The following MYBPC3 variants were observed in gnomAD, a reference collection of about 807,000 sequenced individuals.
MYBPC3 encodes myosin binding protein C3, also known as myosin-binding protein C, cardiac-type.
In MYBPC3, 108 loss-of-function variants were observed where a neutral mutation model predicts 159.3. The ratio of observed to expected loss-of-function variants is 0.68; its 90% CI spans 0.58 to 0.80. The LOEUF is 0.80. Ranked by LOEUF, MYBPC3 falls within the 30% of genes least tolerant of loss-of-function variation. The pLI, the probability that MYBPC3 is intolerant of heterozygous loss-of-function variation, is 0.00. For synonymous variants in MYBPC3, 730 were observed against 702.0 expected, an observed-to-expected ratio of 1.04 and a Z score of -0.63; for missense variants, 1,631 against 1,762.1, an observed-to-expected ratio of 0.93 and a Z score of 1.33.
intron 5 of MYBPC3, among the ~76,000 whole-genome samples, chr11:47,348,926 A>ATATATATATATATATATT (rs1189066410): frequency 7.6e-6 from 1 of 131,312 alleles, no homozygotes; most frequent in Admixed American, 7.8e-5. Context: ...ATATATATAT[A>ATATATATATATATATATT]TTTAAAGGAG....
chr11:47,335,881 C>G lies in MYBPC3; in HGVS notation c.2733G>C (p.Glu911Asp), dbSNP rs1385242275. Residue 911 changes from glutamate to aspartate, a missense_variant, in exon 26 of 35, where the codon GAG becomes GAC. By Grantham distance (45) the Glu-to-Asp change is conservative (BLOSUM62 2). Transcript: ENST00000545968. Reference protein sequence around the residue: ...LDGYSVEYCPEGCSEWVAALQ... With the variant: ...LDGYSVEYCPDGCSEWVAALQ... ...GTTGGGGGCGGGGACACTCACAGCC[C>G]TCTGGGCAGTACTCCACGCTGTAGC... 6.6e-7 allele frequency: 1 copy of G among 1,515,086 alleles called. No homozygotes were observed. Among genetic ancestry groups the G allele is most frequent in the African/African-American group, 1.4e-5 (1 of 71,240 alleles). The allele number at this position is 1,515,086 out of a possible 1,614,324, so 93.9% of individuals were successfully genotyped here.
chr11:47,346,365 G>A lies in MYBPC3; in HGVS notation c.932C>T (p.Ser311Leu), dbSNP rs193922386. 35 of 1,584,392 alleles carry A rather than the reference G, an allele frequency of 2.2e-5. No homozygotes were observed. Among genetic ancestry groups the A allele is most frequent in the Non-Finnish European group, 2.8e-5 (33 of 1,163,858 alleles). ...KRDSFRTPRD[S>L]KLEAPAEEDV... ...CTCCTCTGCTGGTGCCTCCAGCTTCGAGTCCCTGTGTCCCGCAGTCTAGGC... is the reference window on the plus strand; with the variant it reads ...CTCCTCTGCTGGTGCCTCCAGCTTCAAGTCCCTGTGTCCCGCAGTCTAGGC... Residue 311 changes from serine to leucine, a missense_variant, in exon 12 of 35, where the codon TCG becomes TTG. By Grantham distance (145) the Ser-to-Leu change is moderately radical. Coordinates refer to ENST00000545968, the MANE Select transcript of MYBPC3 (RefSeq NM_000256.3). The surrounding 1 kb of genome is among the most constrained non-coding windows in gnomAD (Gnocchi z 5.3).
chr11:47,332,230 A>G lies in MYBPC3; in HGVS notation c.3656T>C (p.Leu1219Pro), dbSNP rs1478894287. The G allele has an allele frequency of 2.5e-6, 4 of 1,613,872 alleles. No individual in the cohort carries two copies. The highest frequency in any genetic ancestry group is 2.5e-6 in the Non-Finnish European group (3 of 1,179,900). ...GAAGCGGGCGTCTTCTCCCAGGTCC[A>G]GGCCATTCTTGAACCAGGAAATCTT... ...KPKISWFKNG[L>P]DLGEDARFRM... The change falls in exon 33 of 35, where the codon CTG becomes CCG. Residue 1219 changes from leucine (L) to proline (P), a missense_variant. Leu to Pro is a moderately conservative substitution (Grantham distance 98). Coordinates refer to ENST00000545968, the MANE Select transcript of MYBPC3 (RefSeq NM_000256.3). This position sits in a 1 kb window ranked among gnomAD's most constrained non-coding sequence, Gnocchi z 4.2.
intron 18 of MYBPC3, among the ~76,000 whole-genome samples, chr11:47,341,673 C>G (rs1189571094): frequency 1.3e-5 from 2 of 152,144 alleles, no homozygotes; most frequent in African/African-American, 4.8e-5. Flanking sequence ...CGCTCGACCC[C>G]GTCCGTGTCT....
chr11:47,333,657 C>A lies in MYBPC3; in HGVS notation c.3090G>T (p.Leu1030=), dbSNP rs770351760. The A allele has an allele frequency of 1.9e-6, 3 of 1,610,700 alleles. No homozygotes were observed. The highest frequency in any genetic ancestry group is 2.5e-6 in the Non-Finnish European group (3 of 1,179,856). ...GCACGCGGCGAGCGGCCCGGATGAA[C>A]AGGATGGTGTCTGTGGGGCTGTTGC... is the stretch of plus-strand genomic sequence containing the variant. The part of the protein sequence containing the change: ...SIRNSPTDTI[L]FIRAARRVHS... Residue 1030 remains leucine, a synonymous_variant, in exon 29 of 35, where the codon CTG becomes CTT. Transcript: ENST00000545968.
At position 47,338,700 on chromosome 11, in the gene MYBPC3, G is replaced by A; in HGVS notation, c.2149-21C>T. ...AGCAGCTGGGGGGGTGCAGAGTTGG[G>A]GTGAGATCCAAGTCAGACCCCAGAG... On this transcript the variant is annotated intron_variant, in intron 22 of 34. Coordinates refer to ENST00000545968, the MANE Select transcript of MYBPC3 (RefSeq NM_000256.3). The surrounding 1 kb of genome is among the most constrained non-coding windows in gnomAD (Gnocchi z 4.7). The A allele has an allele frequency of 6.3e-7, 1 of 1,596,854 alleles. No individual in the cohort carries two copies.
At chr11:47,345,143 CG>C (rs1565628991) in intron 12 of MYBPC3, among the ~76,000 whole-genome samples, 1 of 152,216 alleles carries the variant, frequency 6.6e-6, no homozygotes, top group African/African-American at 2.4e-5. Context: ...CCCCTACCCT[CG>C]GAGGTCCCCA....
At chr11:47,339,266 C>T (rs542313895) in intron 22 of MYBPC3, 58 bp downstream of exon 22, 33 of 1,579,082 alleles carry the variant, frequency 2.1e-5, no homozygotes, top group African/African-American at 4.0e-5. Context: ...CTCGGCACCA[C>T]GTAGGTAGAA....
intron 1 of MYBPC3, among the ~76,000 whole-genome samples, 160 bp downstream of exon 1, chr11:47,352,463 G>A (rs748273702): frequency 6.6e-6 from 1 of 151,982 alleles, no homozygotes. Flanking sequence ...AAAAGAAACC[G>A]AGAATCAAAA....
chr11:47,345,422 C>T (rs935993155), intron 12 of MYBPC3, among the ~76,000 whole-genome samples: 16 of 152,166 alleles, frequency 1.1e-4, no homozygotes, highest in Admixed American at 2.0e-4. Flanking sequence ...TAACCAGCTC[C>T]TCTCCCCGTC....
In MYBPC3 at chr11:47,351,524, G is replaced by A. The variant is rs768992849; in HGVS notation, c.26-19C>T. On this transcript the variant is annotated intron_variant, in intron 1 of 34. Coordinates refer to ENST00000545968, the MANE Select transcript of MYBPC3 (RefSeq NM_000256.3). This position sits in a 1 kb window ranked among gnomAD's most constrained non-coding sequence, Gnocchi z 4.2. ...GCTGAGACTGAAGGGCCAGGTGGAGGCTACAGCGGCCCCTGGTTGGAGCGT... is the reference window on the plus strand; with the variant it reads ...GCTGAGACTGAAGGGCCAGGTGGAGACTACAGCGGCCCCTGGTTGGAGCGT... 6.4e-7 allele frequency: 1 copy of A among 1,562,992 alleles called. No homozygotes were observed. The highest frequency in any genetic ancestry group is 1.8e-5 in the Admixed American group (1 of 56,772).
In MYBPC3 at chr11:47,331,468, C is replaced by T. The variant is rs916334281; in HGVS notation, c.*275G>A. ...ATAAACATTGGGAAGACATAGCAGG[C>T]CAGAAAGGCCTGTCCCCAGACATTG... is the stretch of plus-strand genomic sequence containing the variant. On this transcript the variant is annotated 3_prime_UTR_variant, in exon 35 of 35. Coordinates refer to ENST00000545968, the MANE Select transcript of MYBPC3 (RefSeq NM_000256.3). 24 of 192,194 alleles carry T rather than the reference C, an allele frequency of 1.2e-4. No individual in the cohort carries two copies. Among genetic ancestry groups the T allele is most frequent in the Non-Finnish European group, 3.2e-5 (3 of 94,366 alleles). 11.9% of individuals were successfully genotyped at this position (192,194 alleles called of 1,614,324 possible).
At chr11:47,335,368 C>T (rs1011412403) in intron 26 of MYBPC3, among the ~76,000 whole-genome samples, 159 bp from the exon 27 acceptor site, 5 of 152,222 alleles carry the variant, frequency 3.3e-5, no homozygotes, top group African/African-American at 1.2e-4. Context: ...GCTCTTGTCT[C>T]CCAGGCTGGA....
chr11:47,340,954 G>A (rs1336628481), intron 20 of MYBPC3, 49 bp downstream of exon 20: 2 of 1,493,090 alleles, frequency 1.3e-6, no homozygotes, highest in African/African-American at 1.4e-5. Context: ...TGCGTGGGTG[G>A]GTTGCGGGAA....
At position 47,331,655 on chromosome 11, in the gene MYBPC3, T is replaced by A. The variant is rs1276872792; in HGVS notation, c.*88A>T. On this transcript the variant is annotated 3_prime_UTR_variant, in exon 35 of 35. Transcript: ENST00000545968. ...CACTTGTCACACATACATCCAACAG[T>A]AGGGAGGGGTTTCCCCAACTTCCCT... 1.7e-6 allele frequency: 1 copy of A among 604,634 alleles called. No homozygotes were observed. The highest frequency in any genetic ancestry group is 1.8e-5 in the African/African-American group (1 of 54,084). 37.5% of individuals were successfully genotyped at this position (604,634 alleles called of 1,614,324 possible). A position where few individuals can be genotyped will look rare whatever the true frequency, so the allele number is the denominator to read the frequency against.
chr11:47,331,851 A>G lies in MYBPC3; in HGVS notation c.*20T>C, dbSNP rs773513675. The G allele has an allele frequency of 3.1e-6, 5 of 1,607,472 alleles. No individual in the cohort carries two copies. Among genetic ancestry groups the G allele is most frequent in the Non-Finnish European group, 4.2e-6 (5 of 1,177,446 alleles). On this transcript the variant is annotated 3_prime_UTR_variant, in exon 34 of 35. Coordinates refer to ENST00000545968, the MANE Select transcript of MYBPC3 (RefSeq NM_000256.3). ...GGTGTCGGGTGGTACATACCTGGCC[A>G]TCCCCAGGAGCCAGCCTGGTCACTG...
intron 12 of MYBPC3, 80 bp from the exon 13 acceptor site, chr11:47,343,704 G>A: frequency 7.0e-7 from 1 of 1,438,390 alleles, no homozygotes; most frequent in Non-Finnish European, 9.2e-7. Flanking sequence ...GCTGTGGCTG[G>A]GGCCCAGGTC....
At chr11:47,348,339 A>T (rs1461356136) in intron 6 of MYBPC3, 85 bp downstream of exon 6, 15 of 1,015,828 alleles carry the variant, frequency 1.5e-5, no homozygotes, top group Non-Finnish European at 2.2e-5. Context: ...GGGACGAGGC[A>T]TCCTCCTTAG....
intron 5 of MYBPC3, 54 bp downstream of exon 5, chr11:47,349,720 C>T: frequency 6.3e-7 from 1 of 1,577,958 alleles, no homozygotes; most frequent in Non-Finnish European, 8.5e-7. Flanking sequence ...CTTGTGCCTT[C>T]TAGGGCTCTC....
Sources: gnomAD v4.1 joint callset for allele counts (sites outside exome capture counted in the v4.1 genomes callset) on GRCh38, gnomAD v4.1.1 for gene constraint, Gnocchi (gnomAD v3.1) non-coding constraint, MANE v1.5 for transcripts, NCBI Gene and HGNC (gene_info 2026-07-23, HGNC 2026-07-21) for gene names.